Variants in COL21A1 observed in about 807,000 individuals in gnomAD.
COL21A1 encodes the protein collagen alpha-1(XXI) chain.
Under a neutral mutation model 137.9 loss-of-function variants are expected in COL21A1, and 149 were observed. The ratio of observed to expected loss-of-function variants is 1.08; its 90% confidence interval spans 0.95 to 1.24. COL21A1 has a LOEUF of 1.24. Ranked by LOEUF, COL21A1 falls within the 50% of genes most tolerant of loss-of-function variation. The probability of loss-of-function intolerance (pLI) is 0.00; values close to 1 mark genes in which losing one functional copy is unlikely to be tolerated. For synonymous variants in COL21A1, 456 were observed against 391.5 expected (o/e 1.16, Z -1.95); for missense variants, 1,167 against 1,158.4 (o/e 1.01, Z -0.11).
chr6:56,117,094 C>T lies in COL21A1; in HGVS notation c.1758+6968G>A, dbSNP rs144946314. On this transcript the variant is annotated intron_variant, in intron 16 of 29. Transcript: ENST00000244728. ...ACAACATAACAGGAGTAGGTCCTTA[C>T]TTATAAATAATAACATTTAATGTAA... Among the ~76,000 whole-genome samples, 1,383 of 152,054 alleles carry T rather than the reference C, an allele frequency of 9.1e-3. 9 individuals are homozygous for T. Among genetic ancestry groups the T allele is most frequent in the Non-Finnish European group, 0.014 (959 of 67,898 alleles).
chr6:56,059,938 A>G (rs899205345), intron 28 of COL21A1, 80 bp downstream of exon 28: 4 of 959,664 alleles, frequency 4.2e-6, no homozygotes, highest in Non-Finnish European at 6.2e-6. Flanking sequence ...AGTTAACTCG[A>G]CTATTAAATG....
At chr6:56,257,775 C>A (rs568685315) in intron 1 of COL21A1, among the ~76,000 whole-genome samples, 2 of 152,016 alleles carry the variant, frequency 1.3e-5, no homozygotes, top group Non-Finnish European at 2.9e-5. Flanking sequence ...ATAAAATATT[C>A]TTTTAATTTT....
chr6:56,068,941 T>C (rs1230377451), intron 22 of COL21A1, 105 bp downstream of exon 22: 7 of 737,908 alleles, frequency 9.5e-6, no homozygotes, highest in Middle Eastern at 2.4e-4. Flanking sequence ...ACTTTATCAT[T>C]AAAAATATAT....
intron 12 of COL21A1, among the ~76,000 whole-genome samples, chr6:56,138,229 T>C (rs1376130838): frequency 6.6e-6 from 1 of 151,686 alleles, no homozygotes; most frequent in East Asian, 1.9e-4. Context: ...AAAGAGGTTG[T>C]GCATATGTGT....
intron 1 of COL21A1, among the ~76,000 whole-genome samples, chr6:56,328,668 A>G (rs1388698391): frequency 6.6e-6 from 1 of 152,130 alleles, no homozygotes; most frequent in Non-Finnish European, 1.5e-5. Flanking sequence ...GATGAAAGCT[A>G]TACATTCACA....
intron 17 of COL21A1, among the ~76,000 whole-genome samples, chr6:56,096,147 T>G (rs1263852449): frequency 2.9e-5 from 1 of 34,654 alleles, no homozygotes; most frequent in African/African-American, 1.3e-4. Flanking sequence ...ATGTCTGGCC[T>G]GCATTTTTTT....
At chr6:56,190,731 C>G (rs915041819) in intron 1 of COL21A1, among the ~76,000 whole-genome samples, 6 of 152,126 alleles carry the variant, frequency 3.9e-5, no homozygotes, top group Non-Finnish European at 8.8e-5. Flanking sequence ...ACATCAAAAA[C>G]TTATCCACAA....
intron 9 of COL21A1, among the ~76,000 whole-genome samples, chr6:56,163,122 A>C (rs540293835): frequency 6.6e-6 from 1 of 152,352 alleles, no homozygotes; most frequent in South Asian, 2.1e-4. Context: ...TTGGACCAGC[A>C]GAAAATTCAG....
chr6:56,134,160 G>C (rs1295412528), intron 12 of COL21A1, among the ~76,000 whole-genome samples: 1 of 152,208 alleles, frequency 6.6e-6, no homozygotes, highest in African/African-American at 2.4e-5. Flanking sequence ...GCAATCGAGA[G>C]GGAGGCTGTA....
chr6:56,141,904 A>C (rs1196036397), intron 11 of COL21A1, 26 bp downstream of exon 11: 38 of 1,576,942 alleles, frequency 2.4e-5, no homozygotes, highest in Non-Finnish European at 3.2e-5. Context: ...TAAAATTTAT[A>C]AAATGTATAT....
intron 10 of COL21A1, among the ~76,000 whole-genome samples, chr6:56,147,977 C>G (rs1774972047): frequency 6.6e-6 from 1 of 152,116 alleles, no homozygotes; most frequent in Non-Finnish European, 1.5e-5. Flanking sequence ...AGTAAACCCT[C>G]CCTCATAGGC....
chr6:56,373,556 C>A (rs935779644), intron 1 of COL21A1, among the ~76,000 whole-genome samples: 1 of 152,174 alleles, frequency 6.6e-6, no homozygotes. Flanking sequence ...GAGCTGAGAT[C>A]GGGCCACTGT....
At chr6:56,229,207 C>G (rs1005837121) in intron 1 of COL21A1, among the ~76,000 whole-genome samples, 2 of 151,676 alleles carry the variant, frequency 1.3e-5, no homozygotes, top group African/African-American at 4.8e-5. Flanking sequence ...ACAGAGAAAC[C>G]CTGTCTCTAC....
rs908661155 is a variant in COL21A1 at position 56,092,861 on chromosome 6, G to A, written c.1812+8611C>T. Among the ~76,000 whole-genome samples the A allele has an allele frequency of 6.2e-4, 94 of 152,168 alleles. 5 individuals carry two copies. The highest frequency in any genetic ancestry group is 1.5e-5 in the Non-Finnish European group (1 of 68,032). On this transcript the variant is annotated intron_variant, in intron 17 of 29. Coordinates refer to ENST00000244728, the MANE Select transcript of COL21A1 (RefSeq NM_030820.4). ...TCACAGTTCTGGAATGCACAAGTCT[G>A]AAGTCAAAGTCTTTTCAGGGCTGTG...
intron 1 of COL21A1, among the ~76,000 whole-genome samples, chr6:56,292,398 C>CA (rs1554179604): frequency 7.2e-6 from 1 of 138,746 alleles, no homozygotes; most frequent in Non-Finnish European, 1.6e-5. Flanking sequence ...GGGACCCCCC[C>CA]CCTCCCCCGC....
chr6:56,121,296 A>G (rs1349790691), intron 16 of COL21A1, among the ~76,000 whole-genome samples: 1 of 152,008 alleles, frequency 6.6e-6, no homozygotes, highest in African/African-American at 2.4e-5. Flanking sequence ...AAAAGGCTAC[A>G]TAATGTATCA....
intron 1 of COL21A1, among the ~76,000 whole-genome samples, chr6:56,318,849 C>T (rs188628717): frequency 1.5e-3 from 233 of 151,902 alleles, no homozygotes; most frequent in African/African-American, 5.3e-3. Context: ...TCTTTGAATC[C>T]GTTTTTTCAG....
chr6:56,301,358 C>T (rs1446078475), intron 1 of COL21A1, among the ~76,000 whole-genome samples: 2 of 152,130 alleles, frequency 1.3e-5, no homozygotes, highest in South Asian at 2.1e-4. Context: ...GGAATGCAGG[C>T]ATTCTCTAGA....
chr6:56,088,611 C>G (rs1768490184), intron 17 of COL21A1, among the ~76,000 whole-genome samples: 1 of 152,030 alleles, frequency 6.6e-6, no homozygotes, highest in African/African-American at 2.4e-5. Context: ...CAGCAGCAGA[C>G]CTCAATCTAT....
Sources: allele counts gnomAD v4.1 joint callset (sites outside exome capture counted in the v4.1 genomes callset), GRCh38; gene constraint gnomAD v4.1.1; transcripts MANE v1.5; gene names NCBI Gene and HGNC (gene_info 2026-07-23, HGNC 2026-07-21).